MERTK: variants seen among roughly 807,000 people sequenced by gnomAD.
The protein encoded by MERTK is MER proto-oncogene, tyrosine kinase.
MERTK carries 69 observed loss-of-function variants against 99.3 expected under a neutral mutation model. That is an observed-to-expected ratio of 0.70 (90% CI 0.57 to 0.85). The LOEUF (loss-of-function observed/expected upper bound fraction) is 0.85, where lower values mean the gene tolerates loss of function less well. MERTK is among the 40% of genes least tolerant of loss of function. MERTK has a pLI of 0.00. For synonymous variants in MERTK, 426 were observed against 467.6 expected, an observed-to-expected ratio of 0.91 and a Z score of 1.15; for missense variants, 1,125 against 1,249.4, an observed-to-expected ratio of 0.90 and a Z score of 1.50.
intron 4 of MERTK, among the ~76,000 whole-genome samples, chr2:111,950,038 A>G (rs1685027507): frequency 6.6e-6 from 1 of 152,086 alleles, no homozygotes; most frequent in African/African-American, 2.4e-5. Flanking sequence ...CCTGGGTTCA[A>G]GCGATTCTCC....
chr2:112,003,637 C>G (rs991587572), intron 12 of MERTK, among the ~76,000 whole-genome samples: 1 of 152,112 alleles, frequency 6.6e-6, no homozygotes, highest in Non-Finnish European at 1.5e-5. Flanking sequence ...TTCATGTTCT[C>G]TTCTAAGTGT....
chr2:111,922,023 A>T (rs926981512), intron 1 of MERTK, among the ~76,000 whole-genome samples: 1 of 152,196 alleles, frequency 6.6e-6, no homozygotes, highest in African/African-American at 2.4e-5. Flanking sequence ...TAACTCTGGT[A>T]GAGGAGCTAT....
At chr2:111,961,317 C>T (rs565734746) in intron 4 of MERTK, among the ~76,000 whole-genome samples, 12 of 151,878 alleles carry the variant, frequency 7.9e-5, no homozygotes, top group South Asian at 4.2e-4. Context: ...CCCGCCACAA[C>T]GCCCGGCTAA....
chr2:111,980,554 G>C lies in MERTK; in HGVS notation c.1145-2288G>C, dbSNP rs551829533. 2.0e-5 allele frequency among the ~76,000 whole-genome samples: 3 copies of C among 152,032 alleles called. No homozygotes were observed. The East Asian group carries it at 5.8e-4, about 29-fold the overall frequency. ...CTGCCTCAGCCTCCTGAGTAGCTGG[G>C]ACTACAGGCGCCCGCCACCACGCCC... On this transcript the variant is annotated intron_variant, in intron 7 of 18. Coordinates refer to ENST00000295408, the MANE Select transcript of MERTK (RefSeq NM_006343.3).
intron 10 of MERTK, among the ~76,000 whole-genome samples, chr2:111,999,997 G>C (rs1676836141): frequency 6.6e-6 from 1 of 152,122 alleles, no homozygotes; most frequent in Non-Finnish European, 1.5e-5. Context: ...ATCATACAAA[G>C]TACATTCGCA....
chr2:111,983,908 G>A (rs1332744245), intron 8 of MERTK, among the ~76,000 whole-genome samples: 2 of 152,204 alleles, frequency 1.3e-5, no homozygotes, highest in Non-Finnish European at 2.9e-5. Context: ...TCCCAGAAAA[G>A]GTGGTACTTG....
At chr2:111,994,515 G>T in intron 9 of MERTK, 111 bp downstream of exon 9, 4 of 1,480,362 alleles carry the variant, frequency 2.7e-6, no homozygotes, top group Non-Finnish European at 3.8e-6. Flanking sequence ...GAAAAATAAG[G>T]CTGGGCTTAT....
At chr2:112,014,776 C>T (rs1199794779) in intron 15 of MERTK, among the ~76,000 whole-genome samples, 2 of 151,948 alleles carry the variant, frequency 1.3e-5, no homozygotes, top group Non-Finnish European at 2.9e-5. Context: ...GCTGGGACTA[C>T]AGGCGCCTGC....
intron 2 of MERTK, among the ~76,000 whole-genome samples, chr2:111,939,034 C>T (rs1029282464): frequency 1.3e-5 from 2 of 152,138 alleles, no homozygotes; most frequent in Admixed American, 1.3e-4. Flanking sequence ...TTATATTTTA[C>T]TTCTTGTCTT....
At chr2:111,910,837 A>G (rs1684233827) in intron 1 of MERTK, among the ~76,000 whole-genome samples, 1 of 152,216 alleles carries the variant, frequency 6.6e-6, no homozygotes, top group East Asian at 1.9e-4. Context: ...GGGCCTGGAA[A>G]GGATAGGAGG....
chr2:111,969,689 CTTTTT>C (rs35055243), intron 6 of MERTK, among the ~76,000 whole-genome samples: 9 of 119,166 alleles, frequency 7.6e-5, no homozygotes, highest in Admixed American at 1.7e-4. Context: ...TCCAGCCTTT[CTTTTT>C]TTTTTTTTTT....
At chr2:111,921,189 G>C (rs1246462990) in intron 1 of MERTK, among the ~76,000 whole-genome samples, 1 of 152,114 alleles carries the variant, frequency 6.6e-6, no homozygotes, top group Non-Finnish European at 1.5e-5. Flanking sequence ...TTTTCTCCTA[G>C]AGAGGGTAGG....
intron 1 of MERTK, among the ~76,000 whole-genome samples, chr2:111,903,278 C>T (rs558956107): frequency 1.3e-5 from 2 of 152,334 alleles, no homozygotes; most frequent in Non-Finnish European, 2.9e-5. Context: ...TTCCTACTGG[C>T]TTTTCCAGAA....
chr2:111,968,438 T>G (rs1029236436), intron 6 of MERTK, among the ~76,000 whole-genome samples, 186 bp downstream of exon 6: 1 of 152,188 alleles, frequency 6.6e-6, no homozygotes, highest in African/African-American at 2.4e-5. Context: ...CATGATACTG[T>G]GTCCTTCCTG....
chr2:111,972,512 C>T (rs34705448), intron 6 of MERTK, among the ~76,000 whole-genome samples: 35,052 of 152,118 alleles, frequency 0.23, 4,349 homozygotes, highest in Middle Eastern at 0.36. Context: ...TACCTGCTCT[C>T]TTTCTGCCAT....
intron 4 of MERTK, among the ~76,000 whole-genome samples, chr2:111,949,140 A>T (rs975681870): frequency 1.3e-5 from 2 of 151,842 alleles, no homozygotes; most frequent in African/African-American, 4.8e-5. Context: ...GCCATCCCTG[A>T]TCACTCTTAA....
chr2:111,937,181 A>C (rs1684779309), intron 2 of MERTK, among the ~76,000 whole-genome samples: 1 of 152,086 alleles, frequency 6.6e-6, no homozygotes, highest in Non-Finnish European at 1.5e-5. Flanking sequence ...ATGGTGGCTT[A>C]TGCCTGTAAT....
intron 15 of MERTK, among the ~76,000 whole-genome samples, chr2:112,019,021 C>T (rs962371105): frequency 1.2e-3 from 186 of 151,548 alleles, no homozygotes; most frequent in Non-Finnish European, 2.3e-3. Context: ...CCCTGACACA[C>T]ACACACACAC....
At chr2:111,921,671 G>T (rs1248642467) in intron 1 of MERTK, among the ~76,000 whole-genome samples, 2 of 152,168 alleles carry the variant, frequency 1.3e-5, no homozygotes, top group Non-Finnish European at 2.9e-5. Flanking sequence ...ATATGTTCAT[G>T]TGTGCTTGAG....
Sources: gnomAD v4.1 joint callset for allele counts (sites outside exome capture counted in the v4.1 genomes callset) on GRCh38, gnomAD v4.1.1 for gene constraint, MANE v1.5 for transcripts, NCBI Gene and HGNC (gene_info 2026-07-23, HGNC 2026-07-21) for gene names.